The following PKHD1L1 variants were observed in gnomAD, a reference collection of about 807,000 sequenced individuals.
The protein encoded by PKHD1L1 is PKHD1 like 1.
Under a neutral mutation model 462.9 loss-of-function variants are expected in PKHD1L1, and 434 were observed. That is an observed-to-expected ratio of 0.94 (90% CI 0.87 to 1.02). PKHD1L1 has a LOEUF of 1.02. PKHD1L1 is among the 50% of genes least tolerant of loss of function. PKHD1L1 has a pLI of 0.00. For missense variants in PKHD1L1, 5,202 were observed against 5,096.1 expected, an observed-to-expected ratio of 1.02 and a Z score of -0.63; for synonymous variants, 1,781 against 1,750.0, an observed-to-expected ratio of 1.02 and a Z score of -0.44.
intron 23 of PKHD1L1, 39 bp downstream of exon 23, chr8:109,420,729 T>G: frequency 7.1e-7 from 1 of 1,417,654 alleles, no homozygotes; most frequent in Non-Finnish European, 9.4e-7. Context: ...ATGTAGTGAA[T>G]TTTATTTTTA....
chr8:109,487,902 A>AAGGAAGGAAGGAAGGC (rs1301102506), intron 59 of PKHD1L1, among the ~76,000 whole-genome samples: 2 of 140,376 alleles, frequency 1.4e-5, no homozygotes, highest in Non-Finnish European at 3.2e-5. Flanking sequence ...GGAAGGAAGG[A>AAGGAAGGAAGGAAGGC]AGGAAGGAAG....
chr8:109,532,070 T>C lies in PKHD1L1; in HGVS notation c.*1980T>C, dbSNP rs1026261786. Among the ~76,000 whole-genome samples the C allele has an allele frequency of 2.6e-4, 39 of 152,222 alleles. 2 individuals are homozygous for C. The highest frequency in any genetic ancestry group is 2.2e-3 in the Admixed American group (34 of 15,288). On this transcript the variant is annotated 3_prime_UTR_variant, in exon 78 of 78. Transcript: ENST00000378402. ...CAAAAATATTCTTCACACCAGAACA[T>C]TGTAAAAGCCATAAAATTGTCCACC...
At chr8:109,517,398 T>A (rs1820325763) in intron 72 of PKHD1L1, among the ~76,000 whole-genome samples, 1 of 152,160 alleles carries the variant, frequency 6.6e-6, no homozygotes, top group Non-Finnish European at 1.5e-5. Context: ...AGCCTCACAA[T>A]GAAATGTGGT....
Position 109,464,443 on chromosome 8 carries a change from C to A in PKHD1L1, c.7611C>A (p.Ile2537=), listed in dbSNP as rs974497745. Residue 2537 remains isoleucine (I), a synonymous_variant, in exon 49 of 78, where the codon ATC becomes ATA. Coordinates refer to ENST00000378402, the MANE Select transcript of PKHD1L1 (RefSeq NM_177531.6). The part of the protein sequence containing the change: ...FIEDGIEHGN[I]LQYNLAVFVQ... ...AAGATGGTATTGAACATGGCAATATCCTCCAGTATAACTTGGCAGTATTTG... is the reference window on the plus strand; with the variant it reads ...AAGATGGTATTGAACATGGCAATATACTCCAGTATAACTTGGCAGTATTTG... 6.2e-7 allele frequency: 1 copy of A among 1,613,608 alleles called. No individual in the cohort carries two copies. Among genetic ancestry groups the A allele is most frequent in the Non-Finnish European group, 8.5e-7 (1 of 1,179,734 alleles).
rs71305955 is a variant in PKHD1L1, at chr8:109,523,215, CTTT to C, written c.12331-5_12331-3del. On this transcript the variant is annotated splice_polypyrimidine_tract_variant and intron_variant, in intron 75 of 77. Coordinates refer to ENST00000378402, the MANE Select transcript of PKHD1L1 (RefSeq NM_177531.6). ...ACAGGACAATTGTTATAATTATCTA[CTTT>C]TTTTTTTTTTTTAGGGTAACTGTGT... 0.011 allele frequency: 16,265 copies of C among 1,430,378 alleles called. No individual in the cohort carries two copies. Among genetic ancestry groups the C allele is most frequent in the Admixed American group, 0.045 (2,067 of 46,000 alleles). The allele number at this position is 1,430,378 out of a possible 1,614,324, so 88.6% of individuals were successfully genotyped here. A position where few individuals can be genotyped will look rare whatever the true frequency, so the allele number is the denominator to read the frequency against.
chr8:109,375,718 C>T (rs529225574), intron 2 of PKHD1L1, among the ~76,000 whole-genome samples: 128 of 152,312 alleles, frequency 8.4e-4, no homozygotes, highest in African/African-American at 3.0e-3. Context: ...TTCCTTCTAA[C>T]AGTCAGGACC....
chr8:109,498,896 T>C, intron 67 of PKHD1L1, 125 bp downstream of exon 67: 2 of 840,688 alleles, frequency 2.4e-6, no homozygotes. Flanking sequence ...ATCTGCTCAA[T>C]ATGACAAAGA....
At chr8:109,438,204 A>G (rs1815547855) in intron 30 of PKHD1L1, 120 bp from the exon 31 acceptor site, 1 of 746,564 alleles carries the variant, frequency 1.3e-6, no homozygotes. Flanking sequence ...ACTGACTCTG[A>G]TCTTGACTTT....
chr8:109,497,411 C>T, intron 65 of PKHD1L1, 139 bp downstream of exon 65: 1 of 1,032,140 alleles, frequency 9.7e-7, no homozygotes, highest in Non-Finnish European at 1.3e-6. Context: ...TCCCACTGCC[C>T]TCTGCCTAAA....
At chr8:109,371,942 C>T (rs1459652174) in intron 2 of PKHD1L1, among the ~76,000 whole-genome samples, 1 of 152,056 alleles carries the variant, frequency 6.6e-6, no homozygotes, top group Non-Finnish European at 1.5e-5. Flanking sequence ...TAGTGTGATG[C>T]CTCCAGCTTT....
chr8:109,513,966 C>T (rs1186780068), intron 71 of PKHD1L1, among the ~76,000 whole-genome samples: 12 of 152,078 alleles, frequency 7.9e-5, no homozygotes, highest in Admixed American at 4.6e-4. Flanking sequence ...TGTCAGATCA[C>T]GTCTCTCCCA....
chr8:109,426,963 T>A lies in PKHD1L1; in HGVS notation c.2846-39T>A, dbSNP rs755672052. The A allele has an allele frequency of 3.0e-5, 34 of 1,142,440 alleles. No individual in the cohort carries two copies. In the Middle Eastern group the frequency reaches 1.2e-3, roughly 41 times the overall value. 70.8% of individuals were successfully genotyped at this position (1,142,440 alleles called of 1,614,324 possible). Reference sequence around the variant, plus strand: ...CCACCACATCCGGCCCGTTTGTGAATTGTGACTCCTGCTGTTTGCCACCCC... The same window carrying A: ...CCACCACATCCGGCCCGTTTGTGAAATGTGACTCCTGCTGTTTGCCACCCC... On this transcript the variant is annotated intron_variant, in intron 24 of 77. Transcript: ENST00000378402.
rs759608626 is a variant in PKHD1L1, at chr8:109,413,411, T to G, written c.2236-10T>G. The G allele has an allele frequency of 3.4e-6, 5 of 1,474,148 alleles. No individual in the cohort carries two copies. Among genetic ancestry groups the G allele is most frequent in the Non-Finnish European group, 4.6e-6 (5 of 1,091,380 alleles). 91.3% of individuals were successfully genotyped at this position (1,474,148 alleles called of 1,614,324 possible). A position where few individuals can be genotyped will look rare whatever the true frequency, so the allele number is the denominator to read the frequency against. ...ATATTGTTACCAATGTTTTTCATAT[T>G]TTTATGTAGTTATGTTTAGCATACA... On this transcript the variant is annotated splice_polypyrimidine_tract_variant and intron_variant, in intron 20 of 77. Coordinates refer to ENST00000378402, the MANE Select transcript of PKHD1L1 (RefSeq NM_177531.6).
intron 6 of PKHD1L1, among the ~76,000 whole-genome samples, chr8:109,386,033 A>G (rs546787738): frequency 6.6e-6 from 1 of 152,198 alleles, no homozygotes; most frequent in Non-Finnish European, 1.5e-5. Context: ...CAGGAGTAGA[A>G]CACAGTCTCG....
chr8:109,420,795 A>G, intron 23 of PKHD1L1, 105 bp downstream of exon 23: 1 of 911,100 alleles, frequency 1.1e-6, no homozygotes, highest in East Asian at 3.1e-5. Flanking sequence ...AAGACAGCTA[A>G]CTATTCTAAG....
In PKHD1L1 at chr8:109,427,050, G is replaced by A; in HGVS notation, c.2894G>A (p.Ser965Asn). The part of the protein sequence containing the change: ...SAADLQFALQ[S>N]LEGMGRISVT... ...GCAGATCTGCAGTTTGCACTCCAGA[G>A]TCTGGAGGGAATGGGAAGAATCTCA... Residue 965 changes from serine to asparagine, a missense_variant, in exon 25 of 78, where the codon AGT becomes AAT. By Grantham distance (46) the Ser-to-Asn change is conservative. This residue lies in a region of PKHD1L1 where 4,497 missense variants were observed against 4,336.8 expected (regional missense o/e 1.04). Coordinates refer to ENST00000378402, the MANE Select transcript of PKHD1L1 (RefSeq NM_177531.6). The A allele has an allele frequency of 6.2e-7, 1 of 1,612,914 alleles. No homozygotes were observed. Among genetic ancestry groups the A allele is most frequent in the Non-Finnish European group, 8.5e-7 (1 of 1,178,914 alleles).
At chr8:109,376,782 G>A (rs1224143511) in intron 2 of PKHD1L1, among the ~76,000 whole-genome samples, 1 of 152,174 alleles carries the variant, frequency 6.6e-6, no homozygotes, top group Non-Finnish European at 1.5e-5. Context: ...TATCCATTAA[G>A]ATAGATTATG....
intron 32 of PKHD1L1, 100 bp from the exon 33 acceptor site, chr8:109,440,610 C>A: frequency 9.8e-7 from 1 of 1,025,046 alleles, no homozygotes; most frequent in Non-Finnish European, 1.4e-6. Flanking sequence ...GTTAAATATC[C>A]AGTTATTTCC....
rs868663446 is a variant in PKHD1L1, at chr8:109,448,196, T to C, written c.5830T>C (p.Leu1944=). ...TGGATCCAACTTTGGCTTTGAGATCTTGGAAATCTCCGTGATGATAAATAA... is the reference window on the plus strand; with the variant it reads ...TGGATCCAACTTTGGCTTTGAGATCCTGGAAATCTCCGTGATGATAAATAA... The part of the protein sequence containing the change: ...ITGSNFGFEI[L]EISVMINNIQ... The change falls in exon 39 of 78, where the codon TTG becomes CTG. Residue 1944 remains leucine (L), a synonymous_variant. Coordinates refer to ENST00000378402, the MANE Select transcript of PKHD1L1 (RefSeq NM_177531.6). 21 of 1,612,422 alleles carry C rather than the reference T, an allele frequency of 1.3e-5. No individual in the cohort carries two copies. In the Middle Eastern group the frequency reaches 4.9e-4, roughly 38 times the overall value.
Sources: gnomAD v4.1 joint callset for allele counts (sites outside exome capture counted in the v4.1 genomes callset) on GRCh38, gnomAD v4.1.1 for gene constraint, gnomAD v4.1.1 regional missense constraint, MANE v1.5 for transcripts, NCBI Gene and HGNC (gene_info 2026-07-23, HGNC 2026-07-21) for gene names.